Variants in ZNF652 observed in about 807,000 individuals in gnomAD.
ZNF652 encodes the protein zinc finger protein 652.
A neutral mutation model predicts 45.2 loss-of-function variants in ZNF652; 16 were observed. The ratio of observed to expected loss-of-function variants is 0.35; its 90% confidence interval spans 0.24 to 0.54. The LOEUF (loss-of-function observed/expected upper bound fraction) is 0.54. Among genes scored for constraint, ZNF652 ranks in the 20% least tolerant of loss-of-function variants. The pLI, the probability that ZNF652 is intolerant of heterozygous loss-of-function variation, is 0.91. For synonymous variants in ZNF652, 250 were observed against 260.6 expected (o/e 0.96, Z 0.39); for missense variants, 614 against 765.6 (o/e 0.80, Z 2.34).
At position 49,317,805 on chromosome 17, in the gene ZNF652, C is replaced by A. The variant is rs2069831931; in HGVS notation, c.-80G>T. 10 of 1,342,466 alleles carry A rather than the reference C, an allele frequency of 7.4e-6. No individual in the cohort carries two copies. The highest frequency in any genetic ancestry group is 1.5e-5 in the African/African-American group (1 of 68,090). The allele number at this position is 1,342,466 out of a possible 1,614,324, so 83.2% of individuals were successfully genotyped here. A position where few individuals can be genotyped will look rare whatever the true frequency, so the allele number is the denominator to read the frequency against. Reference sequence around the variant, plus strand: ...ACAAGGTAATTATTAAGACTCAAATCTTTTCTCATCCACAAAGAATCACTC... The same window carrying A: ...ACAAGGTAATTATTAAGACTCAAATATTTTCTCATCCACAAAGAATCACTC... On this transcript the variant is annotated 5_prime_UTR_variant, in exon 2 of 6. Transcript: ENST00000430262.
rs1356083752 is a variant in ZNF652, at chr17:49,334,319, A to G, written c.-258-16336T>C. ...AACATAGCAAGACCTCGTCTCTACA[A>G]AAAGTTTTTCAAAAATTAGCTGGGT... On this transcript the variant is annotated intron_variant, in intron 1 of 5. Transcript: ENST00000430262. Among the ~76,000 whole-genome samples the G allele has an allele frequency of 2.6e-5, 4 of 152,226 alleles. No individual in the cohort carries two copies. In the East Asian group the frequency reaches 5.8e-4, roughly 22 times the overall value.
rs371906877 is a variant in ZNF652 at position 49,317,745 on chromosome 17, T to C, written c.-20A>G. The C allele has an allele frequency of 1.8e-4, 286 of 1,556,626 alleles. No individual in the cohort carries two copies. Among genetic ancestry groups the C allele is most frequent in the Non-Finnish European group, 2.4e-4 (276 of 1,149,140 alleles). ...GCTCATTGGTAAGTGGCCCAATTTATTAAACAGTTCAGACTATAAAGAAAT... is the reference window on the plus strand; with the variant it reads ...GCTCATTGGTAAGTGGCCCAATTTACTAAACAGTTCAGACTATAAAGAAAT... On this transcript the variant is annotated 5_prime_UTR_variant, in exon 2 of 6. Coordinates refer to ENST00000430262, the MANE Select transcript of ZNF652 (RefSeq NM_001145365.3).
intron 5 of ZNF652, among the ~76,000 whole-genome samples, chr17:49,311,017 C>T (rs1430325940): frequency 2.0e-5 from 3 of 152,156 alleles, no homozygotes; most frequent in Admixed American, 6.5e-5. Flanking sequence ...TGCACATACA[C>T]AAAAGAAGTT....
At chr17:49,358,271 A>G (rs1319988164) in intron 1 of ZNF652, among the ~76,000 whole-genome samples, 2 of 151,984 alleles carry the variant, frequency 1.3e-5, no homozygotes, top group Non-Finnish European at 2.9e-5. Context: ...TTCTTCAGCT[A>G]AAGTCACTAA....
chr17:49,356,064 T>C (rs1420862493), intron 1 of ZNF652, among the ~76,000 whole-genome samples: 2 of 152,016 alleles, frequency 1.3e-5, no homozygotes, highest in African/African-American at 2.4e-5. Context: ...AGCTAGGTCT[T>C]TGAGAATGTG....
intron 2 of ZNF652, among the ~76,000 whole-genome samples, chr17:49,315,373 CAGG>C (rs1424852887): frequency 6.6e-6 from 1 of 152,012 alleles, no homozygotes; most frequent in African/African-American, 2.4e-5. Context: ...ACCAAGTCAT[CAGG>C]ATTATTAGGA....
At chr17:49,340,249 T>C (rs1475810972) in intron 1 of ZNF652, among the ~76,000 whole-genome samples, 1 of 152,088 alleles carries the variant, frequency 6.6e-6, no homozygotes, top group African/African-American at 2.4e-5. Flanking sequence ...GCCCCATCTC[T>C]ACCAGAGATA....
chr17:49,341,262 T>G (rs1202574365), intron 1 of ZNF652, among the ~76,000 whole-genome samples: 1 of 151,264 alleles, frequency 6.6e-6, no homozygotes, highest in African/African-American at 2.4e-5. Flanking sequence ...ATGACAAAAC[T>G]ATGTCAAAGA....
chr17:49,324,139 A>C lies in ZNF652; in HGVS notation c.-258-6156T>G, dbSNP rs190803275. Among the ~76,000 whole-genome samples the C allele has an allele frequency of 1.3e-5, 2 of 152,366 alleles. 1 individual carries two copies. The highest frequency in any genetic ancestry group is 3.8e-4 in the East Asian group (2 of 5,196). ...ATCTGGATAACTTGCTGGAGCTTCT[A>C]CATCAGCACTTGCTGCTTCACCGTG... On this transcript the variant is annotated intron_variant, in intron 1 of 5. Coordinates refer to ENST00000430262, the MANE Select transcript of ZNF652 (RefSeq NM_001145365.3).
At chr17:49,354,139 A>T (rs2070309656) in intron 1 of ZNF652, among the ~76,000 whole-genome samples, 1 of 152,190 alleles carries the variant, frequency 6.6e-6, no homozygotes, top group African/African-American at 2.4e-5. Context: ...TCTACTATGC[A>T]TATCATTTCC....
chr17:49,347,068 T>C (rs1044576628), intron 1 of ZNF652, among the ~76,000 whole-genome samples: 7 of 152,242 alleles, frequency 4.6e-5, no homozygotes, highest in Admixed American at 4.6e-4. Context: ...ATAAGAGTCA[T>C]GGATTGAAAC....
chr17:49,311,854 T>C, intron 4 of ZNF652, 73 bp downstream of exon 4: 1 of 1,280,190 alleles, frequency 7.8e-7, no homozygotes, highest in Non-Finnish European at 1.1e-6. Flanking sequence ...CCAGCACACC[T>C]CTCTCTCACT....
At position 49,294,768 on chromosome 17, in the gene ZNF652, A is replaced by AT. The variant is rs1184006068; in HGVS notation, c.*3644_*3645insA. 6.6e-6 allele frequency: 1 copy of AT among 152,352 alleles called. No homozygotes were observed. Among genetic ancestry groups the AT allele is most frequent in the African/African-American group, 2.4e-5 (1 of 41,578 alleles). 9.4% of individuals were successfully genotyped at this position (152,352 alleles called of 1,614,324 possible). A position where few individuals can be genotyped will look rare whatever the true frequency, so the allele number is the denominator to read the frequency against. On this transcript the variant is annotated 3_prime_UTR_variant, in exon 6 of 6. Coordinates refer to ENST00000430262, the MANE Select transcript of ZNF652 (RefSeq NM_001145365.3). Reference sequence around the variant, plus strand: ...GAAGACAGTAAAACTAAGTAACGAGAGACAGCCTCAATTTGTTATCTATAT... The same window carrying AT: ...GAAGACAGTAAAACTAAGTAACGAGATGACAGCCTCAATTTGTTATCTATAT...
At chr17:49,351,937 G>C (rs1025575807) in intron 1 of ZNF652, among the ~76,000 whole-genome samples, 3 of 152,042 alleles carry the variant, frequency 2.0e-5, no homozygotes, top group Non-Finnish European at 2.9e-5. Context: ...CAGTGAGTTA[G>C]GATCACACCA....
In ZNF652 at chr17:49,331,004, G is replaced by A. The variant is rs181167933; in HGVS notation, c.-258-13021C>T. On this transcript the variant is annotated intron_variant, in intron 1 of 5. Coordinates refer to ENST00000430262, the MANE Select transcript of ZNF652 (RefSeq NM_001145365.3). ...AGACAGGAGAATTGCTTGAACCCAGGGAGGCGGAGGTTGTGGTGAGCCAAG... is the reference window on the plus strand; with the variant it reads ...AGACAGGAGAATTGCTTGAACCCAGAGAGGCGGAGGTTGTGGTGAGCCAAG... Among the ~76,000 whole-genome samples, 5 of 151,594 alleles carry A rather than the reference G, an allele frequency of 3.3e-5. No homozygotes were observed. The East Asian group carries it at 5.9e-4, about 18-fold the overall frequency.
intron 1 of ZNF652, among the ~76,000 whole-genome samples, chr17:49,350,206 T>C (rs2070255388): frequency 2.0e-5 from 3 of 152,076 alleles, no homozygotes; most frequent in Non-Finnish European, 4.4e-5. Flanking sequence ...ACTCTACTTG[T>C]AACTTTTCTG....
intron 5 of ZNF652, among the ~76,000 whole-genome samples, chr17:49,310,584 A>T (rs1393554772): frequency 6.6e-6 from 1 of 152,152 alleles, no homozygotes; most frequent in African/African-American, 2.4e-5. Context: ...AATCTTGGTA[A>T]ATCATATCAA....
chr17:49,289,964 A>C lies in ZNF652; in HGVS notation c.*8449T>G, dbSNP rs1278696177. The C allele has an allele frequency of 1.3e-5, 2 of 152,272 alleles. No homozygotes were observed. The highest frequency in any genetic ancestry group is 2.9e-5 in the Non-Finnish European group (2 of 68,054). The allele number at this position is 152,272 out of a possible 1,614,324, so 9.4% of individuals were successfully genotyped here. ...TAACGCTAAACAAGTCATGGCAAGC[A>C]AACTGGATTTTCTTAAGAAATGAGG... On this transcript the variant is annotated 3_prime_UTR_variant, in exon 6 of 6. Transcript: ENST00000430262.
intron 1 of ZNF652, among the ~76,000 whole-genome samples, chr17:49,353,116 T>C (rs1162801397): frequency 6.6e-6 from 1 of 152,340 alleles, no homozygotes; most frequent in South Asian, 2.1e-4. Context: ...TTACTGTATA[T>C]TAATTTAAAA....
Sources: gnomAD v4.1 joint callset for allele counts (sites outside exome capture counted in the v4.1 genomes callset) on GRCh38, gnomAD v4.1.1 for gene constraint, MANE v1.5 for transcripts, NCBI Gene and HGNC (gene_info 2026-07-23, HGNC 2026-07-21) for gene names.